TRAPPC8: variants seen among roughly 807,000 people sequenced by gnomAD.
The protein encoded by TRAPPC8 is trafficking protein particle complex subunit 8.
Under a neutral mutation model 174.3 loss-of-function variants are expected in TRAPPC8, and 54 were observed. That is an observed-to-expected ratio of 0.31 (90% CI 0.25 to 0.39). The LOEUF (loss-of-function observed/expected upper bound fraction) is 0.39. Ranked by LOEUF, TRAPPC8 falls within the 10% of genes least tolerant of loss-of-function variation. The probability of loss-of-function intolerance (pLI) is 1.00; values close to 1 mark genes in which losing one functional copy is unlikely to be tolerated. For missense variants in TRAPPC8, 1,531 were observed against 1,699.1 expected, an observed-to-expected ratio of 0.90 and a Z score of 1.74; for synonymous variants, 630 against 579.9, an observed-to-expected ratio of 1.09 and a Z score of -1.24.
chr18:31,861,150 T>A (rs935760570), intron 19 of TRAPPC8, among the ~76,000 whole-genome samples: 17 of 152,192 alleles, frequency 1.1e-4, no homozygotes, highest in African/African-American at 4.1e-4. Flanking sequence ...GGTGAATAAA[T>A]GTACATCAGT....
At chr18:31,917,441 C>A in intron 3 of TRAPPC8, 137 bp downstream of exon 3, 1 of 717,934 alleles carries the variant, frequency 1.4e-6, no homozygotes. Flanking sequence ...AATAACAAGA[C>A]TCCGTGTATT....
At chr18:31,841,304 T>C (rs1363605786) in intron 26 of TRAPPC8, among the ~76,000 whole-genome samples, 1 of 152,126 alleles carries the variant, frequency 6.6e-6, no homozygotes, top group Non-Finnish European at 1.5e-5. Flanking sequence ...ATTTTTTATC[T>C]TTCCAATTGA....
chr18:31,887,456 C>G (rs940204992), intron 12 of TRAPPC8, among the ~76,000 whole-genome samples: 1 of 152,014 alleles, frequency 6.6e-6, no homozygotes, highest in African/African-American at 2.4e-5. Context: ...ACCAGCCTGG[C>G]CAACGTGGTG....
At chr18:31,867,757 T>C (rs1010167787) in intron 16 of TRAPPC8, among the ~76,000 whole-genome samples, 3 of 152,100 alleles carry the variant, frequency 2.0e-5, no homozygotes, top group African/African-American at 7.2e-5. Context: ...CACATGCCTG[T>C]AATCCAAGCT....
chr18:31,916,558 A>T, intron 3 of TRAPPC8, 112 bp from the exon 4 acceptor site: 4 of 1,106,818 alleles, frequency 3.6e-6, no homozygotes, highest in Non-Finnish European at 5.0e-6. Flanking sequence ...TCTGAGACAA[A>T]GTCTCACTCT....
rs541948279 is a variant in TRAPPC8 at position 31,888,010 on chromosome 18, T to C, written c.1728+2725A>G. Among the ~76,000 whole-genome samples, 7 of 152,118 alleles carry C rather than the reference T, an allele frequency of 4.6e-5. No homozygotes were observed. In the South Asian group the frequency reaches 1.5e-3, roughly 32 times the overall value. On this transcript the variant is annotated intron_variant, in intron 12 of 28. Coordinates refer to ENST00000283351, the MANE Select transcript of TRAPPC8 (RefSeq NM_014939.5). The stretch of plus-strand genomic sequence containing the variant: ...AAGCAACTTCAGCAAAATCTCAGGA[T>C]ACAAAATCAATGTGCAAAAATCACA...
intron 2 of TRAPPC8, among the ~76,000 whole-genome samples, chr18:31,919,839 C>T (rs936028059): frequency 1.3e-5 from 2 of 151,194 alleles, no homozygotes; most frequent in Admixed American, 1.3e-4. Flanking sequence ...CCAGCCTGGG[C>T]GACAGGAGTG....
At chr18:31,928,633 T>A (rs1306460588) in intron 2 of TRAPPC8, among the ~76,000 whole-genome samples, 1 of 152,200 alleles carries the variant, frequency 6.6e-6, no homozygotes, top group Non-Finnish European at 1.5e-5. Flanking sequence ...ACTTTTGGCA[T>A]ACCAGGTATG....
At chr18:31,878,112 A>C (rs1476247215) in intron 12 of TRAPPC8, among the ~76,000 whole-genome samples, 2 of 152,048 alleles carry the variant, frequency 1.3e-5, no homozygotes, top group Non-Finnish European at 2.9e-5. Context: ...GTTTTGGTGG[A>C]AGTGTACTCT....
chr18:31,922,894 G>C (rs141965185), intron 2 of TRAPPC8, among the ~76,000 whole-genome samples: 3 of 152,112 alleles, frequency 2.0e-5, no homozygotes, highest in African/African-American at 7.2e-5. Context: ...GCCCACACCT[G>C]TAGTCCCCGC....
intron 11 of TRAPPC8, among the ~76,000 whole-genome samples, chr18:31,891,774 C>A (rs551938928): frequency 6.6e-6 from 1 of 152,142 alleles, no homozygotes; most frequent in South Asian, 2.1e-4. Context: ...ACTTTAAATG[C>A]GATAATCTCA....
Position 31,905,395 on chromosome 18 carries a change from T to C in TRAPPC8, c.1389+2065A>G, listed in dbSNP as rs189324829. ...AACTGAATGCCTACACTTTGGTGCA[T>C]ATGGACTGTGTCTCCAGAGAAGTAC... On this transcript the variant is annotated intron_variant, in intron 9 of 28. Transcript: ENST00000283351. Among the ~76,000 whole-genome samples, 8 of 152,274 alleles carry C rather than the reference T, an allele frequency of 5.3e-5. No individual in the cohort carries two copies. In the East Asian group the frequency reaches 1.5e-3, roughly 29 times the overall value.
intron 2 of TRAPPC8, among the ~76,000 whole-genome samples, chr18:31,926,095 G>T (rs977250309): frequency 6.6e-6 from 1 of 152,114 alleles, no homozygotes; most frequent in African/African-American, 2.4e-5. Context: ...ACATAAAATT[G>T]AACACCATTT....
At chr18:31,892,766 T>C (rs923396805) in intron 11 of TRAPPC8, among the ~76,000 whole-genome samples, 7 of 152,142 alleles carry the variant, frequency 4.6e-5, no homozygotes, top group African/African-American at 1.7e-4. Flanking sequence ...AGCTCACACC[T>C]GTAATTCCAG....
intron 25 of TRAPPC8, 71 bp downstream of exon 25, chr18:31,849,495 T>C (rs537438040): frequency 1.5e-5 from 19 of 1,248,134 alleles, no homozygotes; most frequent in Non-Finnish European, 1.9e-5. Flanking sequence ...AATAGTAATA[T>C]ACGTTTGTGC....
At chr18:31,926,371 T>C in intron 2 of TRAPPC8, 1 of 151,344 alleles carries the variant, frequency 6.6e-6, no homozygotes, top group East Asian at 1.9e-4. Flanking sequence ...CATTGATAAA[T>C]GGGTTATTTG....
intron 7 of TRAPPC8, 26 bp from the exon 8 acceptor site, chr18:31,908,444 G>A: frequency 7.2e-7 from 1 of 1,394,662 alleles, no homozygotes; most frequent in Non-Finnish European, 9.7e-7. Flanking sequence ...TAAATATGTT[G>A]ACAAACAAAG....
chr18:31,912,057 C>T (rs1013221241), intron 5 of TRAPPC8, among the ~76,000 whole-genome samples: 5 of 151,762 alleles, frequency 3.3e-5, no homozygotes, highest in Admixed American at 6.6e-5. Context: ...TTCTAGAACT[C>T]GAGGTTAAGA....
intron 22 of TRAPPC8, 156 bp from the exon 23 acceptor site, chr18:31,852,819 G>C (rs2033782648): frequency 7.6e-6 from 5 of 658,884 alleles, no homozygotes; most frequent in African/African-American, 1.8e-5. Flanking sequence ...TCAATGAAAT[G>C]ACCTCTTAAA....
Sources: gnomAD v4.1 joint callset for allele counts (sites outside exome capture counted in the v4.1 genomes callset) on GRCh38, gnomAD v4.1.1 for gene constraint, MANE v1.5 for transcripts, NCBI Gene and HGNC (gene_info 2026-07-23, HGNC 2026-07-21) for gene names.